POU6F2: variants seen among roughly 807,000 people sequenced by gnomAD.
POU6F2 encodes the protein POU domain, class 6, transcription factor 2.
POU6F2 carries 31 observed loss-of-function variants against 71.3 expected under a neutral mutation model. That is an observed-to-expected ratio of 0.43 (90% CI 0.33 to 0.59). The LOEUF (loss-of-function observed/expected upper bound fraction) is 0.59. POU6F2 is among the 20% of genes least tolerant of loss of function. POU6F2 has a pLI of 0.04. For missense variants in POU6F2, 783 were observed against 856.8 expected (o/e 0.91, Z 1.07); for synonymous variants, 347 against 355.7 (o/e 0.98, Z 0.27).
intron 4 of POU6F2, among the ~76,000 whole-genome samples, chr7:39,209,254 C>T (rs748375697): frequency 6.6e-6 from 1 of 152,028 alleles, no homozygotes; most frequent in Non-Finnish European, 1.5e-5. Context: ...TTTGAGTCAC[C>T]TCTGGTTTCA....
At chr7:39,216,959 G>C (rs1361145655) in intron 4 of POU6F2, among the ~76,000 whole-genome samples, 3 of 152,056 alleles carry the variant, frequency 2.0e-5, no homozygotes, top group Non-Finnish European at 4.4e-5. Context: ...CAGAGAGAGG[G>C]AGGAAATGAT....
At chr7:39,440,928 T>G (rs1048904359) in intron 7 of POU6F2, among the ~76,000 whole-genome samples, 1 of 152,158 alleles carries the variant, frequency 6.6e-6, no homozygotes, top group Non-Finnish European at 1.5e-5. Context: ...CTTGTTTTCC[T>G]TTCAATGGTC....
intron 5 of POU6F2, among the ~76,000 whole-genome samples, chr7:39,374,742 T>C (rs1180827033): frequency 3.3e-5 from 5 of 152,208 alleles, no homozygotes; most frequent in Non-Finnish European, 7.3e-5. Flanking sequence ...TCTAATGGCA[T>C]TTTGATGTAC....
At chr7:39,072,326 A>G (rs929901658) in intron 1 of POU6F2, among the ~76,000 whole-genome samples, 2 of 152,196 alleles carry the variant, frequency 1.3e-5, no homozygotes, top group African/African-American at 4.8e-5. Flanking sequence ...CCTCGCTTAC[A>G]TATTAAAATT....
At chr7:39,256,055 A>T (rs559105323) in intron 4 of POU6F2, among the ~76,000 whole-genome samples, 4 of 152,246 alleles carry the variant, frequency 2.6e-5, no homozygotes, top group Admixed American at 2.6e-4. Context: ...CAAGCGTGAG[A>T]ATGATTTCTG....
At chr7:39,010,222 A>G (rs1398603696) in intron 1 of POU6F2, among the ~76,000 whole-genome samples, 13 of 134,978 alleles carry the variant, frequency 9.6e-5, no homozygotes, top group Non-Finnish European at 3.3e-5. Flanking sequence ...GTCTATTCAG[A>G]GATTCAACTT....
chr7:39,153,197 A>G (rs757067606), intron 2 of POU6F2, among the ~76,000 whole-genome samples: 2 of 152,030 alleles, frequency 1.3e-5, no homozygotes, highest in African/African-American at 2.4e-5. Flanking sequence ...TTTTATATAT[A>G]TATATATTAT....
intron 4 of POU6F2, among the ~76,000 whole-genome samples, chr7:39,258,977 CTTA>C (rs950142683): frequency 1.3e-5 from 2 of 152,092 alleles, no homozygotes; most frequent in African/African-American, 4.8e-5. Context: ...TAATTTTTTT[CTTA>C]TTATGCCATT....
rs1158975414 is a variant in POU6F2 at position 39,343,625 on chromosome 7, T to C, written c.972+3610T>C. 1.3e-5 allele frequency among the ~76,000 whole-genome samples: 2 copies of C among 152,254 alleles called. 1 individual carries two copies. Among genetic ancestry groups the C allele is most frequent in the South Asian group, 4.1e-4 (2 of 4,824 alleles). ...TTCCCTCTTGAGTGGTCTGGAGATA[T>C]GCTGGGCATGGTTGGAGCCCAGTCA... On this transcript the variant is annotated intron_variant, in intron 5 of 9. Coordinates refer to ENST00000518318, the MANE Select transcript of POU6F2 (RefSeq NM_001370959.1).
At chr7:39,351,136 T>A (rs1562799735) in intron 5 of POU6F2, among the ~76,000 whole-genome samples, 1 of 152,244 alleles carries the variant, frequency 6.6e-6, no homozygotes, top group Non-Finnish European at 1.5e-5. Context: ...CTATGTATGA[T>A]CTTGTAAATA....
At chr7:39,238,743 A>C (rs1267952464) in intron 4 of POU6F2, among the ~76,000 whole-genome samples, 1 of 152,160 alleles carries the variant, frequency 6.6e-6, no homozygotes, top group Non-Finnish European at 1.5e-5. Flanking sequence ...TGTTGGCAGC[A>C]AGGTCTGATA....
At chr7:38,990,328 T>C (rs993207606) in intron 1 of POU6F2, among the ~76,000 whole-genome samples, 1 of 152,160 alleles carries the variant, frequency 6.6e-6, no homozygotes, top group Non-Finnish European at 1.5e-5. Context: ...ACTAACCTTT[T>C]TCCTGTCAAA....
intron 7 of POU6F2, among the ~76,000 whole-genome samples, chr7:39,437,926 GTGGTTT>G (rs1207368848): frequency 2.0e-5 from 3 of 147,284 alleles, no homozygotes; most frequent in Non-Finnish European, 4.5e-5. Context: ...ATGTAATCAT[GTGGTTT>G]TGAGTGAGTT....
intron 2 of POU6F2, among the ~76,000 whole-genome samples, chr7:39,201,300 C>A (rs1303069326): frequency 1.3e-5 from 2 of 152,094 alleles, no homozygotes; most frequent in Non-Finnish European, 2.9e-5. Flanking sequence ...TTTTAGAGTT[C>A]TTGGTTTTAA....
intron 4 of POU6F2, among the ~76,000 whole-genome samples, chr7:39,293,328 G>C (rs74652274): frequency 0.14 from 20,734 of 152,188 alleles, 1,492 homozygotes; most frequent in East Asian, 0.17. Context: ...AATAGGGCGA[G>C]CTCGTTAATG....
At chr7:39,101,977 A>G (rs1185813584) in intron 2 of POU6F2, among the ~76,000 whole-genome samples, 1 of 152,168 alleles carries the variant, frequency 6.6e-6, no homozygotes, top group East Asian at 1.9e-4. Flanking sequence ...ATACTTTTAC[A>G]CTATCTTTTG....
intron 7 of POU6F2, among the ~76,000 whole-genome samples, chr7:39,441,988 T>C (rs1441173795): frequency 6.6e-6 from 1 of 152,174 alleles, no homozygotes; most frequent in Non-Finnish European, 1.5e-5. Flanking sequence ...ATATTATCAT[T>C]TATCTACAAC....
At chr7:38,995,164 TAC>T (rs1284762849) in intron 1 of POU6F2, among the ~76,000 whole-genome samples, 2 of 152,218 alleles carry the variant, frequency 1.3e-5, no homozygotes, top group African/African-American at 4.8e-5. Context: ...GGATCAAAAG[TAC>T]TAAGTTGCTT....
At chr7:39,423,073 G>C (rs1333544052) in intron 6 of POU6F2, among the ~76,000 whole-genome samples, 1 of 152,180 alleles carries the variant, frequency 6.6e-6, no homozygotes, top group Admixed American at 6.5e-5. Context: ...TTTCAATGAA[G>C]GGTTAACTCG....
Sources: gnomAD v4.1 joint callset for allele counts (sites outside exome capture counted in the v4.1 genomes callset) on GRCh38, gnomAD v4.1.1 for gene constraint, MANE v1.5 for transcripts, NCBI Gene and HGNC (gene_info 2026-07-23, HGNC 2026-07-21) for gene names.